The following IPO9 variants were observed in gnomAD, a reference collection of about 807,000 sequenced individuals.
IPO9 encodes the protein importin-9.
A neutral mutation model predicts 128.6 loss-of-function variants in IPO9; 28 were observed. The ratio of observed to expected loss-of-function variants is 0.22; its 90% CI spans 0.16 to 0.30. The LOEUF is 0.30. Among genes scored for constraint, IPO9 ranks in the 10% least tolerant of loss-of-function variants. The probability of loss-of-function intolerance (pLI) is 1.00; values close to 1 mark genes in which losing one functional copy is unlikely to be tolerated. For synonymous variants in IPO9, 455 were observed against 475.8 expected (o/e 0.96, Z 0.57); for missense variants, 935 against 1,293.9 (o/e 0.72, Z 4.26).
At position 201,871,376 on chromosome 1, in the gene IPO9, CTTTTTTTTTT is replaced by C. The variant is rs556986429; in HGVS notation, c.2576+70_2576+79del. ...GGGCATTCTGCCACCACTCATATTT[CTTTTTTTTTT>C]TTTTTTTTTTTTTTTTTTTTGAGAC... On this transcript the variant is annotated intron_variant, in intron 19 of 23. Coordinates refer to ENST00000361565, the MANE Select transcript of IPO9 (RefSeq NM_018085.5). 512 of 149,262 alleles carry C rather than the reference CTTTTTTTTTT, an allele frequency of 3.4e-3. 5 individuals carry two copies. Among genetic ancestry groups the C allele is most frequent in the South Asian group, 0.012 (193 of 16,110 alleles). The allele number at this position is 149,262 out of a possible 1,614,324, so 9.2% of individuals were successfully genotyped here.
At chr1:201,844,289 T>C (rs1321364419) in intron 1 of IPO9, among the ~76,000 whole-genome samples, 2 of 152,218 alleles carry the variant, frequency 1.3e-5, no homozygotes, top group Non-Finnish European at 2.9e-5. Flanking sequence ...CATCACTTTC[T>C]GGTATTCTTG....
intron 4 of IPO9, among the ~76,000 whole-genome samples, chr1:201,849,022 T>C (rs1317473678): frequency 6.6e-6 from 1 of 152,244 alleles, no homozygotes; most frequent in Non-Finnish European, 1.5e-5. Context: ...GTTTAGTTAC[T>C]ATGATTATCA....
chr1:201,836,568 A>G (rs1285438312), intron 1 of IPO9, among the ~76,000 whole-genome samples: 3 of 152,168 alleles, frequency 2.0e-5, no homozygotes, highest in Non-Finnish European at 4.4e-5. Context: ...CATCGGTTTT[A>G]TAGCACGGAG....
Position 201,840,426 on chromosome 1 carries a change from A to G in IPO9, c.164-6853A>G, listed in dbSNP as rs537152013. Among the ~76,000 whole-genome samples the G allele has an allele frequency of 7.2e-5, 11 of 152,312 alleles. No homozygotes were observed. The South Asian group carries it at 8.3e-4, about 11-fold the overall frequency. On this transcript the variant is annotated intron_variant, in intron 1 of 23. Coordinates refer to ENST00000361565, the MANE Select transcript of IPO9 (RefSeq NM_018085.5). ...TTGGCAAGACTGGAAAGATGCTCCT[A>G]TGTATTGCTGGTAGGAGTACAAATT...
At chr1:201,846,330 C>T (rs993761168) in intron 1 of IPO9, among the ~76,000 whole-genome samples, 16 of 152,140 alleles carry the variant, frequency 1.1e-4, no homozygotes, top group Non-Finnish European at 1.2e-4. Flanking sequence ...TTTAAGTTGT[C>T]CTCAGGAATA....
At chr1:201,842,666 C>T (rs1680055476) in intron 1 of IPO9, among the ~76,000 whole-genome samples, 1 of 152,218 alleles carries the variant, frequency 6.6e-6, no homozygotes, top group Non-Finnish European at 1.5e-5. Context: ...GCCCTTGGGT[C>T]TTCGAACCCT....
rs145289078 is a variant in IPO9, at chr1:201,872,915, C to G, written c.2664C>G (p.Ile888Met). The G allele has an allele frequency of 4.3e-6, 7 of 1,613,860 alleles. No homozygotes were observed. The highest frequency in any genetic ancestry group is 5.9e-6 in the Non-Finnish European group (7 of 1,179,966). ...ATATCCGTGTGAAGGGAGAGGAGAT[C>G]TACAGCATGGATGAGGGCATCCGCA... ...LQDIRVKGEE[I>M]YSMDEGIRTR... Residue 888 changes from isoleucine to methionine, a missense_variant, in exon 20 of 24, where the codon ATC (isoleucine) becomes ATG (methionine). Transcript: ENST00000361565.
At position 201,829,177 on chromosome 1, in the gene IPO9, G is replaced by C. The variant is rs1558213068; in HGVS notation, c.-33G>C. On this transcript the variant is annotated 5_prime_UTR_variant, in exon 1 of 24. Coordinates refer to ENST00000361565, the MANE Select transcript of IPO9 (RefSeq NM_018085.5). The stretch of plus-strand genomic sequence containing the variant: ...GGGCCGTCATTCGGTGGCGGGTCCC[G>C]GCCGCGGGGCTGGCGGGCTGAGGGG... 1.4e-6 allele frequency: 2 copies of C among 1,462,058 alleles called. No individual in the cohort carries two copies. Among genetic ancestry groups the C allele is most frequent in the African/African-American group, 1.5e-5 (1 of 67,934 alleles). 90.6% of individuals were successfully genotyped at this position (1,462,058 alleles called of 1,614,324 possible). A position where few individuals can be genotyped will look rare whatever the true frequency, so the allele number is the denominator to read the frequency against.
intron 1 of IPO9, among the ~76,000 whole-genome samples, chr1:201,834,504 A>G (rs1679890878): frequency 6.6e-6 from 1 of 152,086 alleles, no homozygotes; most frequent in African/African-American, 2.4e-5. Flanking sequence ...TCTTAAAATG[A>G]AGTTCTTTCC....
intron 13 of IPO9, among the ~76,000 whole-genome samples, chr1:201,862,112 G>A (rs1262077125): frequency 3.9e-5 from 6 of 152,306 alleles, no homozygotes; most frequent in Middle Eastern, 3.4e-3. Flanking sequence ...GGAATTAATT[G>A]ACAGATTTTA....
chr1:201,858,570 A>G lies in IPO9; in HGVS notation c.1328+17A>G, dbSNP rs747691293. 3 of 1,413,286 alleles carry G rather than the reference A, an allele frequency of 2.1e-6. No homozygotes were observed. The highest frequency in any genetic ancestry group is 2.3e-5 in the Admixed American group (1 of 44,032). The allele number at this position is 1,413,286 out of a possible 1,614,324, so 87.5% of individuals were successfully genotyped here. On this transcript the variant is annotated intron_variant, in intron 12 of 23. Transcript: ENST00000361565. The stretch of plus-strand genomic sequence containing the variant: ...TGAGCACTGGTAAGAGTGAGCCGCT[A>G]ATTGGTTAAGATGCTTTTGTTTACC...
rs1344134778 is a variant in IPO9, at chr1:201,876,068, T to G, written c.*14T>G. The G allele has an allele frequency of 3.9e-6, 6 of 1,546,902 alleles. No individual in the cohort carries two copies. Among genetic ancestry groups the G allele is most frequent in the Non-Finnish European group, 5.4e-6 (6 of 1,118,754 alleles). On this transcript the variant is annotated 3_prime_UTR_variant, in exon 24 of 24. Transcript: ENST00000361565. ...ATCGGCATCTAAAAAGGGGAGCCTT[T>G]CTACATTTGCTCCTTCTGGGCCAGC...
At chr1:201,856,049 A>T in intron 10 of IPO9, 115 bp downstream of exon 10, 1 of 804,894 alleles carries the variant, frequency 1.2e-6, no homozygotes, top group Non-Finnish European at 1.9e-6. Flanking sequence ...AAAAAGAATA[A>T]TTTCATGTGA....
rs987326413 is a variant in IPO9 at position 201,878,399 on chromosome 1, CCA to C, written c.*2352_*2353del. 4.6e-5 allele frequency: 7 copies of C among 152,702 alleles called. No homozygotes were observed. The highest frequency in any genetic ancestry group is 1.9e-4 in the East Asian group (1 of 5,186). 9.5% of individuals were successfully genotyped at this position (152,702 alleles called of 1,614,324 possible). A position where few individuals can be genotyped will look rare whatever the true frequency, so the allele number is the denominator to read the frequency against. Reference sequence around the variant, plus strand: ...CTGAGCTTGGGAAGGCTTAAGGCTCCCACACACAGACTGAGAATGATGGGGGT... The same window carrying C: ...CTGAGCTTGGGAAGGCTTAAGGCTCCCACACAGACTGAGAATGATGGGGGT... On this transcript the variant is annotated 3_prime_UTR_variant, in exon 24 of 24. Coordinates refer to ENST00000361565, the MANE Select transcript of IPO9 (RefSeq NM_018085.5).
Position 201,879,933 on chromosome 1 carries a change from G to A in IPO9, c.*3879G>A, listed in dbSNP as rs926461735. On this transcript the variant is annotated 3_prime_UTR_variant, in exon 24 of 24. Transcript: ENST00000361565. Reference sequence around the variant, plus strand: ...ACGTGCCTGTAATCCCAGCTACTCGGGAGGCTGAGGCGGGAGAATCACTTG... The same window carrying A: ...ACGTGCCTGTAATCCCAGCTACTCGAGAGGCTGAGGCGGGAGAATCACTTG... The A allele has an allele frequency of 4.6e-5, 7 of 152,246 alleles. No individual in the cohort carries two copies. The highest frequency in any genetic ancestry group is 1.7e-4 in the African/African-American group (7 of 41,438). 9.4% of individuals were successfully genotyped at this position (152,246 alleles called of 1,614,324 possible). A position where few individuals can be genotyped will look rare whatever the true frequency, so the allele number is the denominator to read the frequency against.
At chr1:201,851,118 C>T (rs754930613) in intron 4 of IPO9, among the ~76,000 whole-genome samples, 3 of 151,480 alleles carry the variant, frequency 2.0e-5, no homozygotes, top group African/African-American at 4.8e-5. Context: ...TGGGCTCAAG[C>T]GAGCCTCCTG....
At chr1:201,857,038 GATGAAAAGCT>G in intron 10 of IPO9, 48 bp from the exon 11 acceptor site, 1 of 1,065,990 alleles carries the variant, frequency 9.4e-7, no homozygotes, top group Non-Finnish European at 1.5e-6. Flanking sequence ...TGTATCTGTT[GATGAAAAGCT>G]ATGAATCAGA....
rs559885442 is a variant in IPO9, at chr1:201,877,663, C to G, written c.*1609C>G. Reference sequence around the variant, plus strand: ...TATAGGCTGGGCGTGGTGTGTCACACCTGTAATCCCAGCACTTACGGAGGC... The same window carrying G: ...TATAGGCTGGGCGTGGTGTGTCACAGCTGTAATCCCAGCACTTACGGAGGC... On this transcript the variant is annotated 3_prime_UTR_variant, in exon 24 of 24. Transcript: ENST00000361565. 2 of 152,190 alleles carry G rather than the reference C, an allele frequency of 1.3e-5. No individual in the cohort carries two copies. Among genetic ancestry groups the G allele is most frequent in the African/African-American group, 2.4e-5 (1 of 41,430 alleles). The allele number at this position is 152,190 out of a possible 1,614,324, so 9.4% of individuals were successfully genotyped here. A position where few individuals can be genotyped will look rare whatever the true frequency, so the allele number is the denominator to read the frequency against.
intron 1 of IPO9, among the ~76,000 whole-genome samples, chr1:201,838,942 T>A (rs1558215775): frequency 6.6e-6 from 1 of 150,448 alleles, no homozygotes; most frequent in East Asian, 2.0e-4. Flanking sequence ...TTTTTTGAGA[T>A]GGAGCCTTGC....
Sources: allele counts gnomAD v4.1 joint callset (sites outside exome capture counted in the v4.1 genomes callset), GRCh38; gene constraint gnomAD v4.1.1; transcripts MANE v1.5; gene names NCBI Gene and HGNC (gene_info 2026-07-23, HGNC 2026-07-21).